The following TRIM27 variants were observed in gnomAD, a reference collection of about 807,000 sequenced individuals.
TRIM27 encodes tripartite motif containing 27, also known as zinc finger protein RFP.
Under a neutral mutation model 57.6 loss-of-function variants are expected in TRIM27, and 12 were observed. The observed-to-expected ratio is 0.21, with a 90% CI of 0.13 to 0.34. The LOEUF (loss-of-function observed/expected upper bound fraction) is 0.34. Among genes scored for constraint, TRIM27 ranks in the 10% least tolerant of loss-of-function variants. The pLI is 1.00. For missense variants in TRIM27, 403 were observed against 656.8 expected (o/e 0.61, Z 4.22); for synonymous variants, 266 against 259.0 (o/e 1.03, Z -0.26).
rs1401512269 is a variant in TRIM27, at chr6:28,903,574, CA to C, written c.*495del. On this transcript the variant is annotated 3_prime_UTR_variant, in exon 8 of 8. Transcript: ENST00000377199. ...AATAAAACTATGGCACATTGGGAAT[CA>C]GGGGCAGAGGTACTGTTCCCAGACG... 2.1e-5 allele frequency: 5 copies of C among 237,852 alleles called. No homozygotes were observed. The Admixed American group carries it at 2.7e-4, about 13-fold the overall frequency. 14.7% of individuals were successfully genotyped at this position (237,852 alleles called of 1,614,324 possible).
At chr6:28,913,686 A>T (rs189799672) in intron 3 of TRIM27, among the ~76,000 whole-genome samples, 2 of 150,950 alleles carry the variant, frequency 1.3e-5, no homozygotes, top group South Asian at 2.1e-4. Flanking sequence ...TTCTCTTATT[A>T]TAAGTACAGC....
intron 4 of TRIM27, among the ~76,000 whole-genome samples, chr6:28,911,117 C>T (rs1351204052): frequency 6.6e-6 from 1 of 152,192 alleles, no homozygotes; most frequent in Non-Finnish European, 1.5e-5. Flanking sequence ...GCCTCGTCAT[C>T]CATCCTGCAA....
chr6:28,917,846 G>A (rs1773726037), intron 3 of TRIM27, among the ~76,000 whole-genome samples: 1 of 148,110 alleles, frequency 6.8e-6, no homozygotes, highest in Non-Finnish European at 1.5e-5. Context: ...TTTTTTTTTG[G>A]AGACAGGGTT....
At position 28,913,030 on chromosome 6, in the gene TRIM27, C is replaced by T. The variant is rs185381264; in HGVS notation, c.748-1312G>A. On this transcript the variant is annotated intron_variant, in intron 3 of 7. Coordinates refer to ENST00000377199, the MANE Select transcript of TRIM27 (RefSeq NM_006510.5). Reference sequence around the variant, plus strand: ...CAGCACTTTGGGAGGTCCAGGCGGGCGGATCACCTGAGGTCGGGAGTTTGG... The same window carrying T: ...CAGCACTTTGGGAGGTCCAGGCGGGTGGATCACCTGAGGTCGGGAGTTTGG... Among the ~76,000 whole-genome samples the T allele has an allele frequency of 1.2e-3, 185 of 151,988 alleles. 4 individuals are homozygous for T. In the South Asian group the frequency reaches 0.034, roughly 28 times the overall value.
At chr6:28,915,958 G>A (rs9468443) in intron 3 of TRIM27, among the ~76,000 whole-genome samples, 3,399 of 151,972 alleles carry the variant, frequency 0.022, 114 homozygotes, top group African/African-American at 0.077. Flanking sequence ...ATTCTATTGC[G>A]TAGGCTGGAG....
intron 4 of TRIM27, chr6:28,911,403 A>C (rs1246540371): frequency 8.4e-6 from 3 of 356,994 alleles, no homozygotes; most frequent in Non-Finnish European, 1.5e-5. Context: ...CAATAGACAT[A>C]AACTACCCTT....
rs998791103 is a variant in TRIM27, at chr6:28,923,372, C to T, written c.261G>A (p.Ser87=). 3 of 1,612,110 alleles carry T rather than the reference C, an allele frequency of 1.9e-6. No individual in the cohort carries two copies. Among genetic ancestry groups the T allele is most frequent in the South Asian group, 2.2e-5 (2 of 91,032 alleles). The change falls in exon 1 of 8, where the codon TCG becomes TCA. Residue 87 remains serine (S), a synonymous_variant. Transcript: ENST00000377199. ...ACACGCCCATCTCGCCGCCGGGCCC[C>T]GACGGCCGCTCGGTGCGCAGCTGCT... ...LVKQLRTERP[S]GPGGEMGVCE... is the part of the protein sequence containing the mutation.
intron 6 of TRIM27, 69 bp downstream of exon 6, chr6:28,908,739 A>G: frequency 6.6e-7 from 1 of 1,506,742 alleles, no homozygotes; most frequent in East Asian, 2.3e-5. Context: ...CACGTTTCCC[A>G]CTTTCAGTGC....
At chr6:28,919,909 G>T in intron 3 of TRIM27, 103 bp downstream of exon 3, 1 of 1,078,762 alleles carries the variant, frequency 9.3e-7, no homozygotes. Flanking sequence ...TGCTATTCCT[G>T]CAGAGTTAAA....
In TRIM27 at chr6:28,903,764, C is replaced by T. The variant is rs1177037735; in HGVS notation, c.*306G>A. On this transcript the variant is annotated 3_prime_UTR_variant, in exon 8 of 8. Coordinates refer to ENST00000377199, the MANE Select transcript of TRIM27 (RefSeq NM_006510.5). ...AAGAAGCTGGAAGTATCTTGAACGG[C>T]TCTCCAAATCCAAAGATTATCCATA... The T allele has an allele frequency of 4.4e-5, 17 of 390,018 alleles. No homozygotes were observed. Among genetic ancestry groups the T allele is most frequent in the Non-Finnish European group, 4.6e-6 (1 of 217,662 alleles). The allele number at this position is 390,018 out of a possible 1,614,324, so 24.2% of individuals were successfully genotyped here. A position where few individuals can be genotyped will look rare whatever the true frequency, so the allele number is the denominator to read the frequency against.
chr6:28,907,410 T>C, intron 6 of TRIM27, 148 bp from the exon 7 acceptor site: 3 of 759,666 alleles, frequency 3.9e-6, no homozygotes, highest in South Asian at 2.9e-5. Flanking sequence ...AATTTTTTCA[T>C]ATGATGTATG....
intron 3 of TRIM27, among the ~76,000 whole-genome samples, chr6:28,918,499 T>C (rs1773780612): frequency 6.6e-6 from 1 of 152,104 alleles, no homozygotes; most frequent in Non-Finnish European, 1.5e-5. Flanking sequence ...ATTACTATGC[T>C]GTCCACTCCC....
Position 28,903,782 on chromosome 6 carries a change from T to TAAA in TRIM27, c.*287_*288insTTT. ...TGAACGGCTCTCCAAATCCAAAGATTATCCATACTCTTTATCCCTCCAGCG... is the reference window on the plus strand; with the variant it reads ...TGAACGGCTCTCCAAATCCAAAGATTAAAATCCATACTCTTTATCCCTCCAGCG... On this transcript the variant is annotated 3_prime_UTR_variant, in exon 8 of 8. Transcript: ENST00000377199. The TAAA allele has an allele frequency of 2.3e-6, 1 of 425,662 alleles. No individual in the cohort carries two copies. 26.4% of individuals were successfully genotyped at this position (425,662 alleles called of 1,614,324 possible).
At position 28,908,998 on chromosome 6, in the gene TRIM27, C is replaced by G; in HGVS notation, c.861G>C (p.Leu287Phe). Residue 287 changes from leucine to phenylalanine, a missense_variant, in exon 5 of 8, where the codon TTG becomes TTC. Physicochemically the swap from Leu to Phe is conservative, Grantham distance 22. Transcript: ENST00000377199. ...CTGTGAACTGCTTTAGACTCTCCGTCAAGAATAGACATTTTTGGGCAAAAA... is the reference window on the plus strand; with the variant it reads ...CTGTGAACTGCTTTAGACTCTCCGTGAAGAATAGACATTTTTGGGCAAAAA... ...IHIFAQKCLFLTESLKQFTEK... is the reference protein window; with the variant it reads ...IHIFAQKCLFFTESLKQFTEK... The G allele has an allele frequency of 6.2e-7, 1 of 1,613,998 alleles. No individual in the cohort carries two copies. The highest frequency in any genetic ancestry group is 8.5e-7 in the Non-Finnish European group (1 of 1,179,960).
chr6:28,904,313 G>C lies in TRIM27; in HGVS notation c.1299C>G (p.Leu433=). Residue 433 remains leucine (L), a synonymous_variant, in exon 8 of 8, where the codon CTC becomes CTG. Transcript: ENST00000377199. This position sits in a 1 kb window ranked among gnomAD's most constrained non-coding sequence, Gnocchi z 6.1. The stretch of plus-strand genomic sequence containing the variant: ...AGTCCAAGAAAATCCCCACCCGCTG[G>C]AGCGGGGTCCGCAGGGGTAGGGCAG... ...PMTALPLRTP[L]QRVGIFLDYD... 1.2e-6 allele frequency: 2 copies of C among 1,613,046 alleles called. No homozygotes were observed. The highest frequency in any genetic ancestry group is 1.7e-6 in the Non-Finnish European group (2 of 1,180,006).
Position 28,909,042 on chromosome 6 carries a change from A to G in TRIM27, c.817T>C (p.Leu273=), listed in dbSNP as rs748829373. The part of the protein sequence containing the change: ...IPEPWITPPD[L]QEKIHIFAQK... ...GCAAAAATGTGGATTTTCTCTTGCAAATCTGGAGGTGTGATCCAAGGTTCA... is the reference window on the plus strand; with the variant it reads ...GCAAAAATGTGGATTTTCTCTTGCAGATCTGGAGGTGTGATCCAAGGTTCA... Residue 273 remains leucine, a synonymous_variant, in exon 5 of 8, where the codon TTG becomes CTG. Coordinates refer to ENST00000377199, the MANE Select transcript of TRIM27 (RefSeq NM_006510.5). 6 of 1,614,024 alleles carry G rather than the reference A, an allele frequency of 3.7e-6. No homozygotes were observed. The African/African-American group carries it at 8.0e-5, about 22-fold the overall frequency.
At chr6:28,917,043 G>A (rs1201876855) in intron 3 of TRIM27, among the ~76,000 whole-genome samples, 2 of 152,008 alleles carry the variant, frequency 1.3e-5, no homozygotes, top group Non-Finnish European at 2.9e-5. Flanking sequence ...TTGGGAGGCT[G>A]AGGTGGGAGG....
In TRIM27 at chr6:28,904,640, C is replaced by T. The variant is rs1248827803; in HGVS notation, c.972G>A (p.Thr324=). 17 of 1,598,754 alleles carry T rather than the reference C, an allele frequency of 1.1e-5. No homozygotes were observed. Among genetic ancestry groups the T allele is most frequent in the East Asian group, 4.5e-5 (2 of 44,868 alleles). The part of the protein sequence containing the change: ...YSVDVTLDPD[T]AYPSLILSDN... ...CAGAGAGGATCAGGCTGGGGTAGGC[C>T]GTGTCTGGGTCCAGAGTCACGTCCA... The change falls in exon 8 of 8, where the codon ACG becomes ACA. Residue 324 remains threonine (T), a synonymous_variant. Coordinates refer to ENST00000377199, the MANE Select transcript of TRIM27 (RefSeq NM_006510.5). The surrounding 1 kb of genome is among the most constrained non-coding windows in gnomAD (Gnocchi z 6.1).
chr6:28,920,377 G>T, intron 2 of TRIM27, 135 bp from the exon 3 acceptor site: 1 of 670,496 alleles, frequency 1.5e-6, no homozygotes, highest in Non-Finnish European at 2.4e-6. Flanking sequence ...ATTATTTCCA[G>T]TCTTTACTGA....
Sources: gnomAD v4.1 joint callset for allele counts (sites outside exome capture counted in the v4.1 genomes callset) on GRCh38, gnomAD v4.1.1 for gene constraint, Gnocchi (gnomAD v3.1) non-coding constraint, MANE v1.5 for transcripts, NCBI Gene and HGNC (gene_info 2026-07-23, HGNC 2026-07-21) for gene names.